The following PRR16 variants were observed in gnomAD, a reference collection of about 807,000 sequenced individuals.
The protein encoded by PRR16 is proline rich 16.
PRR16 carries 6 observed loss-of-function variants against 18.2 expected under a neutral mutation model. The observed-to-expected ratio is 0.33, with a 90% CI of 0.18 to 0.65. The LOEUF (loss-of-function observed/expected upper bound fraction) is 0.65. Ranked by LOEUF, PRR16 falls within the 30% of genes least tolerant of loss-of-function variation. PRR16 has a pLI of 0.74. For synonymous variants in PRR16, 151 were observed against 147.8 expected, an observed-to-expected ratio of 1.02 and a Z score of -0.16; for missense variants, 412 against 376.6, an observed-to-expected ratio of 1.09 and a Z score of -0.78.
the PRR16 span, among the ~76,000 whole-genome samples, chr5:120,738,711 A>G: frequency 6.6e-6 from 1 of 152,174 alleles, no homozygotes; most frequent in Non-Finnish European, 1.5e-5. Context: ...TGGTAGGTGC[A>G]TTTGTGTACC....
At chr5:120,474,343 T>C (rs2112802150) in intron 1 of PRR16, among the ~76,000 whole-genome samples, 1 of 152,256 alleles carries the variant, frequency 6.6e-6, no homozygotes, top group East Asian at 1.9e-4. Flanking sequence ...TACAACTAGA[T>C]GCCAGTAGCA....
the PRR16 span, among the ~76,000 whole-genome samples, chr5:120,701,088 C>G: frequency 6.6e-6 from 1 of 152,142 alleles, no homozygotes; most frequent in African/African-American, 2.4e-5. Context: ...TGGAGGAACG[C>G]CTGGCCGCTG....
intron 1 of PRR16, among the ~76,000 whole-genome samples, chr5:120,614,423 T>A (rs148967034): frequency 2.6e-4 from 39 of 152,342 alleles, no homozygotes; most frequent in African/African-American, 9.1e-4. Flanking sequence ...CTCCAACAAA[T>A]TCAAATCATT....
At chr5:120,512,817 G>A (rs2112859187) in intron 1 of PRR16, among the ~76,000 whole-genome samples, 1 of 152,194 alleles carries the variant, frequency 6.6e-6, no homozygotes, top group Non-Finnish European at 1.5e-5. Context: ...GGGAGGGAAA[G>A]CAAGTACACA....
rs111854818 is a variant in PRR16, at chr5:120,657,809, A to C, written c.160-28145A>C. On this transcript the variant is annotated intron_variant, in intron 1 of 1. Transcript: ENST00000407149. Reference sequence around the variant, plus strand: ...TAGGAATGTGAACGCATGTTCCCCCACCTATTGCCTCCCACCTTCTGCTTT... The same window carrying C: ...TAGGAATGTGAACGCATGTTCCCCCCCCTATTGCCTCCCACCTTCTGCTTT... 5.1e-3 allele frequency among the ~76,000 whole-genome samples: 774 copies of C among 152,000 alleles called. 1 individual carries two copies. Among genetic ancestry groups the C allele is most frequent in the African/African-American group, 0.018 (741 of 41,498 alleles).
At chr5:120,738,680 T>C in the PRR16 span, among the ~76,000 whole-genome samples, 1 of 152,142 alleles carries the variant, frequency 6.6e-6, no homozygotes, top group African/African-American at 2.4e-5. Flanking sequence ...AGCACAGAGT[T>C]CAAAATTTGG....
At chr5:120,787,150 T>G in the PRR16 span, among the ~76,000 whole-genome samples, 149 of 152,192 alleles carry the variant, frequency 9.8e-4, no homozygotes, top group Admixed American at 2.5e-3. Context: ...TGGAGTAGAC[T>G]TATTTAACTT....
At chr5:120,505,797 A>G (rs1750622003) in intron 1 of PRR16, among the ~76,000 whole-genome samples, 1 of 152,018 alleles carries the variant, frequency 6.6e-6, no homozygotes, top group Non-Finnish European at 1.5e-5. Context: ...TTAAACTGAT[A>G]TAGATATATA....
chr5:120,486,751 G>A (rs1172445419), intron 1 of PRR16, among the ~76,000 whole-genome samples: 1 of 152,112 alleles, frequency 6.6e-6, no homozygotes, highest in African/African-American at 2.4e-5. Context: ...TATTGCCTAG[G>A]TTTTCTTCTA....
At chr5:120,780,771 C>T in the PRR16 span, among the ~76,000 whole-genome samples, 1 of 152,090 alleles carries the variant, frequency 6.6e-6, no homozygotes, top group African/African-American at 2.4e-5. Context: ...AATATAATTT[C>T]CGGCCGGGCG....
chr5:120,693,584 G>C, the PRR16 span, among the ~76,000 whole-genome samples: 1 of 152,152 alleles, frequency 6.6e-6, no homozygotes, highest in African/African-American at 2.4e-5. Flanking sequence ...TCTTTGTATA[G>C]GTCAGAAACG....
At chr5:120,763,940 GGT>G in the PRR16 span, among the ~76,000 whole-genome samples, 24 of 152,018 alleles carry the variant, frequency 1.6e-4, no homozygotes, top group Admixed American at 1.6e-3. Context: ...TTGCTTATCA[GGT>G]CTCAGAGATT....
the PRR16 span, among the ~76,000 whole-genome samples, chr5:120,780,895 C>A: frequency 1.3e-5 from 2 of 151,980 alleles, no homozygotes; most frequent in African/African-American, 4.8e-5. Context: ...ACTAAAAATA[C>A]AAAAATTAGT....
At chr5:120,567,286 G>T (rs1752767366) in intron 1 of PRR16, among the ~76,000 whole-genome samples, 1 of 152,166 alleles carries the variant, frequency 6.6e-6, no homozygotes, top group Middle Eastern at 3.4e-3. Context: ...CAATCTGCTT[G>T]CCTAGGGTCC....
intron 1 of PRR16, among the ~76,000 whole-genome samples, chr5:120,558,358 A>G (rs925215455): frequency 6.6e-6 from 1 of 151,814 alleles, no homozygotes; most frequent in Admixed American, 6.6e-5. Context: ...TGATGAACTC[A>G]TCATGTTTTG....
intron 1 of PRR16, among the ~76,000 whole-genome samples, chr5:120,656,173 C>T (rs1411016235): frequency 6.6e-6 from 1 of 151,800 alleles, no homozygotes; most frequent in Non-Finnish European, 1.5e-5. Flanking sequence ...CTTCTTACCA[C>T]ATTATGAAAG....
intron 1 of PRR16, among the ~76,000 whole-genome samples, chr5:120,664,755 A>G (rs545951000): frequency 7.1e-5 from 10 of 140,692 alleles, no homozygotes; most frequent in South Asian, 4.8e-4. Context: ...ATGATTTCCA[A>G]TTTCATCCAT....
the PRR16 span, among the ~76,000 whole-genome samples, chr5:120,783,469 A>C: frequency 2.4e-4 from 37 of 152,252 alleles, no homozygotes; most frequent in African/African-American, 8.9e-4. Flanking sequence ...CATGTTTTAA[A>C]AACTGCATTG....
intron 1 of PRR16, among the ~76,000 whole-genome samples, chr5:120,575,958 G>C (rs890957323): frequency 6.6e-6 from 1 of 152,226 alleles, no homozygotes; most frequent in Non-Finnish European, 1.5e-5. Flanking sequence ...AATAGTGCTG[G>C]TATAACTGGA....
Sources: allele counts gnomAD v4.1 joint callset (sites outside exome capture counted in the v4.1 genomes callset), GRCh38; gene constraint gnomAD v4.1.1; transcripts MANE v1.5; gene names NCBI Gene and HGNC (gene_info 2026-07-23, HGNC 2026-07-21).